PRELID2: variants seen among roughly 807,000 people sequenced by gnomAD.
The protein encoded by PRELID2 is PRELI domain containing 2, also known as PRELI domain-containing protein 2.
A neutral mutation model predicts 28.4 loss-of-function variants in PRELID2; 25 were observed. That is an observed-to-expected ratio of 0.88 (90% confidence interval 0.64 to 1.23). PRELID2 has a LOEUF of 1.23. PRELID2 is among the 50% of genes most tolerant of loss of function. The probability of loss-of-function intolerance (pLI) is 0.00; values close to 1 mark genes in which losing one functional copy is unlikely to be tolerated. For missense variants in PRELID2, 201 were observed against 214.4 expected (o/e 0.94, Z 0.39); for synonymous variants, 76 against 71.6 (o/e 1.06, Z -0.31).
the PRELID2 span, among the ~76,000 whole-genome samples, chr5:145,268,590 G>C: frequency 2.9e-4 from 44 of 152,084 alleles, 1 homozygote; most frequent in Non-Finnish European, 1.2e-4. Context: ...TGTGGAGGAG[G>C]GGGATGAATG....
At chr5:145,318,455 A>G in the PRELID2 span, among the ~76,000 whole-genome samples, 2 of 152,380 alleles carry the variant, frequency 1.3e-5, no homozygotes, top group Middle Eastern at 3.4e-3. Context: ...TAGACTAGAA[A>G]AGGAGGGTTT....
chr5:145,580,873 C>A (rs1318885641), intron 1 of PRELID2, among the ~76,000 whole-genome samples: 1 of 152,048 alleles, frequency 6.6e-6, no homozygotes, highest in Non-Finnish European at 1.5e-5. Flanking sequence ...CTCCTACCAC[C>A]AGTTGAAATT....
At chr5:145,394,054 C>G in the PRELID2 span, among the ~76,000 whole-genome samples, 42 of 152,150 alleles carry the variant, frequency 2.8e-4, no homozygotes, top group Admixed American at 9.8e-4. Flanking sequence ...CTAGAAATAC[C>G]ATTTGACCCA....
intron 2 of PRELID2, 69 bp from the exon 3 acceptor site, chr5:145,820,087 C>G: frequency 1.1e-6 from 1 of 921,042 alleles, no homozygotes; most frequent in South Asian, 1.5e-5. Flanking sequence ...GTCAATAAAT[C>G]TTGCGGGGGT....
intron 5 of PRELID2, among the ~76,000 whole-genome samples, chr5:145,777,902 T>G (rs1201126647): frequency 6.6e-6 from 1 of 152,164 alleles, no homozygotes; most frequent in Non-Finnish European, 1.5e-5. Context: ...TGTCAGGAAC[T>G]GCTCCAAACT....
chr5:145,803,395 G>A (rs541720758), intron 4 of PRELID2, among the ~76,000 whole-genome samples: 1 of 87,574 alleles, frequency 1.1e-5, no homozygotes, highest in African/African-American at 3.5e-5. Context: ...GTATTTATAC[G>A]TGTAAAATCA....
the PRELID2 span, among the ~76,000 whole-genome samples, chr5:145,289,355 G>C: frequency 6.6e-6 from 1 of 151,956 alleles, no homozygotes; most frequent in Non-Finnish European, 1.5e-5. Context: ...TAATACAGTA[G>C]GTAGCCTTCT....
chr5:145,248,359 A>G, the PRELID2 span, among the ~76,000 whole-genome samples: 4 of 152,130 alleles, frequency 2.6e-5, no homozygotes, highest in African/African-American at 7.2e-5. Context: ...ATAATTTAAA[A>G]ATATTAACTT....
At chr5:145,460,332 T>C in the PRELID2 span, among the ~76,000 whole-genome samples, 1 of 152,228 alleles carries the variant, frequency 6.6e-6, no homozygotes, top group Admixed American at 6.5e-5. Context: ...TTAGTTGCTA[T>C]AGTAGTAAGA....
chr5:145,395,436 G>A, the PRELID2 span, among the ~76,000 whole-genome samples: 1 of 152,134 alleles, frequency 6.6e-6, no homozygotes, highest in African/African-American at 2.4e-5. Context: ...CCTCAGGGAT[G>A]TGTCAATTAC....
At chr5:145,589,448 T>C (rs1360642728) in intron 1 of PRELID2, among the ~76,000 whole-genome samples, 1 of 151,950 alleles carries the variant, frequency 6.6e-6, no homozygotes, top group Non-Finnish European at 1.5e-5. Flanking sequence ...CACCACACTC[T>C]CGGTAGAATT....
chr5:145,672,474 A>C (rs1346485349), intron 1 of PRELID2, among the ~76,000 whole-genome samples: 1 of 148,024 alleles, frequency 6.8e-6, no homozygotes, highest in African/African-American at 2.5e-5. Context: ...TTTGAAGCTA[A>C]TGCTCAGAAT....
At chr5:145,708,555 TG>T (rs1755607809) in intron 1 of PRELID2, among the ~76,000 whole-genome samples, 1 of 152,186 alleles carries the variant, frequency 6.6e-6, no homozygotes, top group Non-Finnish European at 1.5e-5. Flanking sequence ...GCATTATTTT[TG>T]TAGGAAAAAA....
At chr5:145,768,536 T>C (rs1411668761) in intron 5 of PRELID2, among the ~76,000 whole-genome samples, 1 of 152,206 alleles carries the variant, frequency 6.6e-6, no homozygotes, top group Non-Finnish European at 1.5e-5. Context: ...AATAATTAAA[T>C]GTCTTCTTTC....
At position 145,585,508 on chromosome 5, in the gene PRELID2, T is replaced by C. The variant is rs138206889; in HGVS notation, n.71-112193A>G. Among the ~76,000 whole-genome samples the C allele has an allele frequency of 1.3e-3, 196 of 152,208 alleles. 2 individuals carry two copies. The highest frequency in any genetic ancestry group is 4.6e-3 in the African/African-American group (192 of 41,526). ...AATAGTTAATTTTATAGTGCTATGGTTAGAATTACATAAGGTAATCTATGT... is the reference window on the plus strand; with the variant it reads ...AATAGTTAATTTTATAGTGCTATGGCTAGAATTACATAAGGTAATCTATGT... On this transcript the variant is annotated intron_variant and non_coding_transcript_variant, in intron 1 of 2. Transcript: ENST00000510259.
intron 1 of PRELID2, among the ~76,000 whole-genome samples, chr5:145,666,618 G>A (rs574205781): frequency 3.6e-4 from 54 of 152,046 alleles, no homozygotes; most frequent in Non-Finnish European, 6.6e-4. Context: ...GACAATAGAA[G>A]GACAAGCACT....
the PRELID2 span, among the ~76,000 whole-genome samples, chr5:145,320,399 T>C: frequency 6.6e-6 from 1 of 151,908 alleles, no homozygotes; most frequent in Non-Finnish European, 1.5e-5. Flanking sequence ...GCCTCCCAAG[T>C]AGCTGGGACT....
At chr5:145,563,458 A>G (rs1016425902) in intron 1 of PRELID2, among the ~76,000 whole-genome samples, 1 of 152,188 alleles carries the variant, frequency 6.6e-6, no homozygotes, top group East Asian at 1.9e-4. Flanking sequence ...TGTTTCTGTC[A>G]ATTTCAATAA....
chr5:145,727,022 C>T (rs995354342), intron 1 of PRELID2, among the ~76,000 whole-genome samples: 9 of 152,108 alleles, frequency 5.9e-5, no homozygotes, highest in African/African-American at 1.2e-4. Flanking sequence ...AGGGGGCCAA[C>T]GTGAGTATGG....
Sources: allele counts gnomAD v4.1 joint callset (sites outside exome capture counted in the v4.1 genomes callset), GRCh38; gene constraint gnomAD v4.1.1; transcripts MANE v1.5; gene names NCBI Gene and HGNC (gene_info 2026-07-23, HGNC 2026-07-21).